The following NRXN3 variants were observed in gnomAD, a reference collection of about 807,000 sequenced individuals.
NRXN3 encodes the protein neurexin 3.
Under a neutral mutation model 137.6 loss-of-function variants are expected in NRXN3, and 32 were observed. The observed-to-expected ratio is 0.23, with a 90% CI of 0.18 to 0.31. The LOEUF (loss-of-function observed/expected upper bound fraction) is 0.31, where lower values mean the gene tolerates loss of function less well. Among genes scored for constraint, NRXN3 ranks in the 10% least tolerant of loss-of-function variants. NRXN3 has a pLI of 1.00. For missense variants in NRXN3, 1,574 were observed against 2,062.5 expected (o/e 0.76, Z 4.59); for synonymous variants, 798 against 784.5 (o/e 1.02, Z -0.29).
At chr14:78,546,092 G>C (rs1306934770) in intron 4 of NRXN3, among the ~76,000 whole-genome samples, 1 of 152,102 alleles carries the variant, frequency 6.6e-6, no homozygotes, top group Non-Finnish European at 1.5e-5. Flanking sequence ...CCAGGAATGG[G>C]GTTGATAAAT....
intron 19 of NRXN3, among the ~76,000 whole-genome samples, chr14:79,707,379 C>T (rs1381765993): frequency 6.6e-6 from 1 of 152,144 alleles, no homozygotes; most frequent in African/African-American, 2.4e-5. Context: ...GAGGAAAGTG[C>T]ATTGAAGCAG....
At chr14:78,785,989 C>A (rs1372925242) in intron 8 of NRXN3, among the ~76,000 whole-genome samples, 1 of 152,170 alleles carries the variant, frequency 6.6e-6, no homozygotes, top group Non-Finnish European at 1.5e-5. Flanking sequence ...TGATTATCCT[C>A]CTGCTGACTA....
chr14:78,924,940 C>T (rs1186811647), intron 10 of NRXN3, among the ~76,000 whole-genome samples: 6 of 152,234 alleles, frequency 3.9e-5, no homozygotes, highest in East Asian at 3.9e-4. Flanking sequence ...AGCACCCTTC[C>T]GAAAGAGTTC....
chr14:79,854,376 G>A (rs2099398171), intron 20 of NRXN3, among the ~76,000 whole-genome samples: 1 of 151,650 alleles, frequency 6.6e-6, no homozygotes. Context: ...AATGTTATTT[G>A]CTCTCCTTCT....
chr14:78,439,806 G>C (rs2094186033), intron 4 of NRXN3, among the ~76,000 whole-genome samples: 1 of 152,166 alleles, frequency 6.6e-6, no homozygotes, highest in Admixed American at 6.5e-5. Flanking sequence ...TTCTAGTCCT[G>C]TTCTGCTTCC....
intron 15 of NRXN3, among the ~76,000 whole-genome samples, chr14:79,012,854 C>A (rs958374933): frequency 6.6e-6 from 1 of 152,112 alleles, no homozygotes; most frequent in Admixed American, 6.6e-5. Flanking sequence ...CAACATTTCC[C>A]CCCATCAAAC....
chr14:79,518,227 A>G (rs2097018047), intron 16 of NRXN3, among the ~76,000 whole-genome samples: 1 of 151,896 alleles, frequency 6.6e-6, no homozygotes, highest in African/African-American at 2.4e-5. Context: ...ATATTTTTTT[A>G]TAGAAGCATT....
At chr14:79,598,096 T>C (rs922267317) in intron 16 of NRXN3, among the ~76,000 whole-genome samples, 3 of 152,194 alleles carry the variant, frequency 2.0e-5, no homozygotes, top group Non-Finnish European at 4.4e-5. Flanking sequence ...TAAATCATTA[T>C]GTAGTGATTA....
At chr14:78,370,263 A>G (rs1198522952) in intron 4 of NRXN3, among the ~76,000 whole-genome samples, 3 of 150,264 alleles carry the variant, frequency 2.0e-5, no homozygotes, top group Admixed American at 6.6e-5. Flanking sequence ...AATCCACCCA[A>G]TGTTGCCCAT....
At chr14:79,245,459 G>A (rs2153358805) in intron 15 of NRXN3, among the ~76,000 whole-genome samples, 2 of 152,070 alleles carry the variant, frequency 1.3e-5, no homozygotes, top group Non-Finnish European at 2.9e-5. Flanking sequence ...AAAGAAGAGA[G>A]AGAAAAAAGC....
intron 1 of NRXN3, among the ~76,000 whole-genome samples, chr14:78,196,036 C>T (rs1595808456): frequency 6.6e-6 from 1 of 152,198 alleles, no homozygotes; most frequent in East Asian, 1.9e-4. Context: ...GGCTTGTCAC[C>T]ACAACATAGG....
intron 4 of NRXN3, among the ~76,000 whole-genome samples, chr14:78,534,679 T>C (rs977091458): frequency 2.0e-5 from 3 of 152,172 alleles, no homozygotes; most frequent in African/African-American, 7.2e-5. Flanking sequence ...TAAACCAGAT[T>C]CTGGTGTAGA....
rs533374754 is a variant in NRXN3, at chr14:78,688,611, G to A, written c.1222-20606G>A. 9.9e-5 allele frequency among the ~76,000 whole-genome samples: 15 copies of A among 152,234 alleles called. No individual in the cohort carries two copies. The East Asian group carries it at 2.9e-3, about 29-fold the overall frequency. ...TAAAGTGGGGTCAGTAGTGAAAAGGGACATGGTGTCAAGAAGATAGGTGGT... is the reference window on the plus strand; with the variant it reads ...TAAAGTGGGGTCAGTAGTGAAAAGGAACATGGTGTCAAGAAGATAGGTGGT... On this transcript the variant is annotated intron_variant, in intron 6 of 20. Coordinates refer to ENST00000335750, the MANE Select transcript of NRXN3 (RefSeq NM_001330195.2).
chr14:78,416,163 A>G (rs2093127944), intron 4 of NRXN3, among the ~76,000 whole-genome samples: 1 of 152,170 alleles, frequency 6.6e-6, no homozygotes, highest in Admixed American at 6.5e-5. Context: ...CCATATTTGA[A>G]GACTATCTCT....
chr14:79,305,618 G>A (rs115321371), intron 15 of NRXN3, among the ~76,000 whole-genome samples: 1,983 of 152,104 alleles, frequency 0.013, 46 homozygotes, highest in African/African-American at 0.046. Context: ...TAGAACCCCG[G>A]GGATTAGTTT....
chr14:79,584,654 ACC>A (rs1359620779), intron 16 of NRXN3, among the ~76,000 whole-genome samples: 4 of 152,122 alleles, frequency 2.6e-5, no homozygotes, highest in Non-Finnish European at 4.4e-5. Context: ...TTCTCCCACA[ACC>A]CAGCTACTGC....
At chr14:78,453,230 T>G (rs1383136735) in intron 4 of NRXN3, among the ~76,000 whole-genome samples, 2 of 152,182 alleles carry the variant, frequency 1.3e-5, no homozygotes, top group African/African-American at 4.8e-5. Context: ...AAAGAGAAAT[T>G]TAATTTCCAA....
intron 1 of NRXN3, among the ~76,000 whole-genome samples, chr14:78,204,493 G>A (rs532246897): frequency 2.0e-4 from 30 of 152,274 alleles, no homozygotes; most frequent in African/African-American, 6.7e-4. Context: ...TAATGTTACT[G>A]TGAGAAAAGT....
At chr14:78,658,190 C>T (rs1289837748) in intron 6 of NRXN3, among the ~76,000 whole-genome samples, 1 of 152,150 alleles carries the variant, frequency 6.6e-6, no homozygotes, top group Non-Finnish European at 1.5e-5. Context: ...CTTTTAGAAT[C>T]AACATGAGAC....
Sources: allele counts gnomAD v4.1 joint callset (sites outside exome capture counted in the v4.1 genomes callset), GRCh38; gene constraint gnomAD v4.1.1; transcripts MANE v1.5; gene names NCBI Gene and HGNC (gene_info 2026-07-23, HGNC 2026-07-21).